Variants in PHYHD1 observed in about 807,000 individuals in gnomAD.
PHYHD1 encodes the protein phytanoyl-CoA dioxygenase domain-containing protein 1.
In PHYHD1, 42 loss-of-function variants were observed where a neutral mutation model predicts 43.6. That is an observed-to-expected ratio of 0.96 (90% CI 0.75 to 1.25). The LOEUF (loss-of-function observed/expected upper bound fraction) is 1.25. Among genes scored for constraint, PHYHD1 ranks in the 50% most tolerant of loss-of-function variants. The pLI, the probability that PHYHD1 is intolerant of heterozygous loss-of-function variation, is 0.00. For missense variants in PHYHD1, 342 were observed against 370.8 expected (o/e 0.92, Z 0.64); for synonymous variants, 139 against 143.6 (o/e 0.97, Z 0.23).
At chr9:128,923,346 G>T (rs373354904) in intron 3 of PHYHD1, among the ~76,000 whole-genome samples, 1 of 152,196 alleles carries the variant, frequency 6.6e-6, no homozygotes, top group Non-Finnish European at 1.5e-5. Context: ...CAAAGTGCTG[G>T]GACAACAAGG....
chr9:128,932,510 G>C (rs919028109), intron 4 of PHYHD1, among the ~76,000 whole-genome samples: 2 of 152,086 alleles, frequency 1.3e-5, no homozygotes, highest in Non-Finnish European at 2.9e-5. Flanking sequence ...TGGGATTACA[G>C]GCATGCGCCA....
At chr9:128,930,672 G>A (rs566280331) in intron 4 of PHYHD1, among the ~76,000 whole-genome samples, 3 of 151,264 alleles carry the variant, frequency 2.0e-5, no homozygotes, top group Admixed American at 6.6e-5. Context: ...CACCTCGGCC[G>A]GGTGCAGTGG....
At chr9:128,924,505 G>A (rs1205308390) in intron 3 of PHYHD1, among the ~76,000 whole-genome samples, 2 of 151,954 alleles carry the variant, frequency 1.3e-5, no homozygotes, top group Admixed American at 6.6e-5. Context: ...CCAGCTACTC[G>A]GGAGACTGAG....
At chr9:128,932,851 ATTTATTTATTTT>A (rs929100322) in intron 4 of PHYHD1, among the ~76,000 whole-genome samples, 5 of 125,330 alleles carry the variant, frequency 4.0e-5, no homozygotes, top group African/African-American at 1.7e-4. Context: ...TTATTTATTT[ATTTATTTATTTT>A]TTGAGACAGA....
chr9:128,936,318 C>A, intron 6 of PHYHD1, 130 bp from the exon 7 acceptor site: 2 of 1,287,822 alleles, frequency 1.6e-6, no homozygotes, highest in Non-Finnish European at 2.2e-6. Context: ...CAGTTGTAAA[C>A]AAGCAGAAGG....
intron 4 of PHYHD1, among the ~76,000 whole-genome samples, chr9:128,928,012 A>G (rs1401212510): frequency 6.6e-6 from 1 of 152,066 alleles, no homozygotes; most frequent in East Asian, 1.9e-4. Context: ...GGTCTCCCAC[A>G]CCGTTCTCTT....
At chr9:128,926,962 A>G (rs1841152556) in intron 3 of PHYHD1, 76 bp from the exon 4 acceptor site, 3 of 1,600,856 alleles carry the variant, frequency 1.9e-6, no homozygotes, top group African/African-American at 2.7e-5. Context: ...ACCTTCACAC[A>G]GCTGCAAGGT....
chr9:128,922,494 A>G (rs1019132531), intron 3 of PHYHD1, 138 bp downstream of exon 3: 1 of 1,039,946 alleles, frequency 9.6e-7, no homozygotes, highest in East Asian at 2.7e-5. Flanking sequence ...CGGGTTCCCA[A>G]CCGCAACCCC....
intron 2 of PHYHD1, 81 bp from the exon 3 acceptor site, chr9:128,922,202 G>A: frequency 8.4e-7 from 1 of 1,193,844 alleles, no homozygotes; most frequent in East Asian, 2.6e-5. Flanking sequence ...GGGAAGGAGG[G>A]TTGGGTGGTG....
intron 4 of PHYHD1, 27 bp downstream of exon 4, chr9:128,927,223 G>C: frequency 6.2e-7 from 1 of 1,612,368 alleles, no homozygotes; most frequent in Non-Finnish European, 8.5e-7. Flanking sequence ...CATGAGGATG[G>C]GATGTGGCTT....
At chr9:128,935,770 C>T (rs1841410180) in intron 6 of PHYHD1, among the ~76,000 whole-genome samples, 1 of 151,798 alleles carries the variant, frequency 6.6e-6, no homozygotes, top group African/African-American at 2.4e-5. Flanking sequence ...GGCGTGGTGG[C>T]ACATGCCTGT....
intron 4 of PHYHD1, among the ~76,000 whole-genome samples, chr9:128,927,990 T>C (rs1396525325): frequency 6.6e-6 from 1 of 152,218 alleles, no homozygotes; most frequent in Non-Finnish European, 1.5e-5. Context: ...ATGGGTAAAT[T>C]GAAGACTCTG....
chr9:128,936,715 T>G, intron 8 of PHYHD1, 70 bp downstream of exon 8: 1 of 1,491,470 alleles, frequency 6.7e-7, no homozygotes, highest in South Asian at 1.2e-5. Context: ...AAGCCCTTCC[T>G]TACAATGGGC....
Position 128,937,777 on chromosome 9 carries a change from A to G in PHYHD1, c.456A>G (p.Glu152=), listed in dbSNP as rs774963802. 1.1e-5 allele frequency: 18 copies of G among 1,614,008 alleles called. No homozygotes were observed. The highest frequency in any genetic ancestry group is 1.4e-5 in the Non-Finnish European group (17 of 1,180,018). ...TGCAGCAACCTCACTTTGGCGGTGA[A>G]GGTGAGCTGAGAGCTGTGGGCCCCT... ...YIFKQPHFGG[E]VSPHQDASFL... The change falls in exon 9 of 13, where the codon GAA becomes GAG. Residue 152 remains glutamate (E), a splice_region_variant and synonymous_variant. Transcript: ENST00000372592.
At chr9:128,922,240 G>C in intron 2 of PHYHD1, 43 bp from the exon 3 acceptor site, 2 of 1,519,220 alleles carry the variant, frequency 1.3e-6, no homozygotes. Context: ...GGTAGGGAAG[G>C]GTTAAGTCCT....
Position 128,933,805 on chromosome 9 carries a change from C to T in PHYHD1, c.216C>T (p.Ser72=), listed in dbSNP as rs146434306. The change falls in exon 5 of 13, where the codon AGC becomes AGT. Residue 72 remains serine, a synonymous_variant. Transcript: ENST00000372592. ...AGGGCAGCACAGACTATTTCTTGAG[C>T]AGTGGTGACAAGATTCGATTCTTCT... ...RAQGSTDYFL[S]SGDKIRFFFE... 94 of 1,614,000 alleles carry T rather than the reference C, an allele frequency of 5.8e-5. No individual in the cohort carries two copies. The highest frequency in any genetic ancestry group is 7.4e-5 in the Non-Finnish European group (87 of 1,179,982).
At chr9:128,932,434 C>T (rs986118345) in intron 4 of PHYHD1, among the ~76,000 whole-genome samples, 2 of 152,026 alleles carry the variant, frequency 1.3e-5, no homozygotes, top group African/African-American at 4.8e-5. Flanking sequence ...ATGGCACGAT[C>T]TTGGCTCACC....
Position 128,941,110 on chromosome 9 carries a change from T to G in PHYHD1, c.704-335T>G, listed in dbSNP as rs1841549743. 2.0e-5 allele frequency among the ~76,000 whole-genome samples: 3 copies of G among 152,284 alleles called. No homozygotes were observed. In the South Asian group the frequency reaches 6.2e-4, roughly 32 times the overall value. On this transcript the variant is annotated intron_variant, in intron 11 of 12. Coordinates refer to ENST00000372592, the MANE Select transcript of PHYHD1 (RefSeq NM_001100876.2). Reference sequence around the variant, plus strand: ...TTCTTATGAAAAGGGAAAACCAATGTCTAACTCAGCATCACCGGAGAGGTC... The same window carrying G: ...TTCTTATGAAAAGGGAAAACCAATGGCTAACTCAGCATCACCGGAGAGGTC...
chr9:128,934,153 C>G (rs1021324446), intron 6 of PHYHD1, 95 bp downstream of exon 6: 38 of 1,317,898 alleles, frequency 2.9e-5, no homozygotes, highest in Middle Eastern at 2.5e-4. Context: ...TTTGAGAAGT[C>G]AAGGTGGGCA....
Sources: gnomAD v4.1 joint callset for allele counts (sites outside exome capture counted in the v4.1 genomes callset) on GRCh38, gnomAD v4.1.1 for gene constraint, MANE v1.5 for transcripts, NCBI Gene and HGNC (gene_info 2026-07-23, HGNC 2026-07-21) for gene names.